Variants in SCN4B observed in about 807,000 individuals in gnomAD.
SCN4B encodes the protein sodium voltage-gated channel beta subunit 4, also known as sodium channel regulatory subunit beta-4.
A neutral mutation model predicts 19.6 loss-of-function variants in SCN4B; 20 were observed. That is an observed-to-expected ratio of 1.02 (90% CI 0.72 to 1.48). The LOEUF is 1.48. Among genes scored for constraint, SCN4B ranks in the 40% most tolerant of loss-of-function variants. SCN4B has a pLI of 0.00. For missense variants in SCN4B, 271 were observed against 287.5 expected, an observed-to-expected ratio of 0.94 and a Z score of 0.42; for synonymous variants, 127 against 122.8, an observed-to-expected ratio of 1.03 and a Z score of -0.22.
chr11:118,147,619 G>A (rs947793969), intron 1 of SCN4B, among the ~76,000 whole-genome samples: 15 of 152,320 alleles, frequency 9.8e-5, no homozygotes, highest in African/African-American at 3.6e-4. Flanking sequence ...ACAGAAGCCA[G>A]ACACAAGATC....
intron 3 of SCN4B, among the ~76,000 whole-genome samples, chr11:118,143,619 G>A (rs1047296569): frequency 3.8e-5 from 3 of 78,338 alleles, no homozygotes; most frequent in South Asian, 5.0e-4. Flanking sequence ...TGAGGAAAAC[G>A]AGGCTTAGAG....
At chr11:118,142,689 A>G (rs531890770) in intron 3 of SCN4B, 17 of 152,212 alleles carry the variant, frequency 1.1e-4, no homozygotes, top group Non-Finnish European at 2.2e-4. Flanking sequence ...GAACAGATGG[A>G]TGAATGAATC....
chr11:118,146,978 G>C (rs1462291350), intron 1 of SCN4B, among the ~76,000 whole-genome samples: 1 of 152,170 alleles, frequency 6.6e-6, no homozygotes, highest in Non-Finnish European at 1.5e-5. Context: ...ATTTGTTCTA[G>C]AGCCATGGTT....
chr11:118,145,419 C>T (rs1329442385), intron 1 of SCN4B, 190 bp from the exon 2 acceptor site: 2 of 1,518,352 alleles, frequency 1.3e-6, no homozygotes, highest in East Asian at 2.5e-5. Context: ...CTCCATTTCT[C>T]CCCTGGAAAG....
At chr11:118,145,922 G>T (rs1286510319) in intron 1 of SCN4B, among the ~76,000 whole-genome samples, 1 of 152,342 alleles carries the variant, frequency 6.6e-6, no homozygotes, top group East Asian at 1.9e-4. Context: ...AGACGGCCTG[G>T]CAGGGGGGAA....
At chr11:118,145,390 T>C (rs1463052183) in intron 1 of SCN4B, 161 bp from the exon 2 acceptor site, 1 of 1,530,254 alleles carries the variant, frequency 6.5e-7, no homozygotes, top group Non-Finnish European at 8.7e-7. Context: ...CAGCACCGCC[T>C]GGGCCACCCT....
Position 118,148,238 on chromosome 11 carries a change from C to A in SCN4B, c.62-3009G>T, listed in dbSNP as rs1948201698. ...CAGAGAGGGTGGGCAAGCCTGGCTT[C>A]TTCAGTGCACAGCCCTCCCAGTCGG... On this transcript the variant is annotated intron_variant, in intron 1 of 4. Coordinates refer to ENST00000324727, the MANE Select transcript of SCN4B (RefSeq NM_174934.4). The surrounding 1 kb of genome is among the most constrained non-coding windows in gnomAD (Gnocchi z 4.0). Among the ~76,000 whole-genome samples, 1 of 152,252 alleles carries A rather than the reference C, an allele frequency of 6.6e-6. No individual in the cohort carries two copies. The highest frequency in any genetic ancestry group is 1.5e-5 in the Non-Finnish European group (1 of 68,050).
chr11:118,137,497 C>T (rs2004235), intron 4 of SCN4B, among the ~76,000 whole-genome samples: 83,052 of 151,564 alleles, frequency 0.55, 22,983 homozygotes, highest in South Asian at 0.68. Context: ...ATGGCAAAAC[C>T]CCATCTCTAC....
chr11:118,145,429 G>A (rs1948159873), intron 1 of SCN4B, 200 bp from the exon 2 acceptor site: 3 of 1,507,676 alleles, frequency 2.0e-6, no homozygotes, highest in South Asian at 1.2e-5. Flanking sequence ...CCCCTGGAAA[G>A]GACTGAATTC....
chr11:118,139,278 C>A (rs1948065147), intron 4 of SCN4B, among the ~76,000 whole-genome samples: 2 of 152,168 alleles, frequency 1.3e-5, no homozygotes, highest in Admixed American at 1.3e-4. Flanking sequence ...GTGCCTCCAT[C>A]TGGAAGAATC....
rs1947973482 is a variant in SCN4B at position 118,134,880 on chromosome 11, C to T, written c.*2147G>A. The T allele has an allele frequency of 2.2e-6, 1 of 453,898 alleles. No homozygotes were observed. Among genetic ancestry groups the T allele is most frequent in the African/African-American group, 2.0e-5 (1 of 49,960 alleles). The allele number at this position is 453,898 out of a possible 1,614,324, so 28.1% of individuals were successfully genotyped here. A position where few individuals can be genotyped will look rare whatever the true frequency, so the allele number is the denominator to read the frequency against. On this transcript the variant is annotated 3_prime_UTR_variant, in exon 5 of 5. Transcript: ENST00000324727. ...GTGAGGTAGGTAAGTATTATTACACCCATTTGGTAGATGGAAAGAGCTGAG... is the reference window on the plus strand; with the variant it reads ...GTGAGGTAGGTAAGTATTATTACACTCATTTGGTAGATGGAAAGAGCTGAG...
intron 1 of SCN4B, among the ~76,000 whole-genome samples, chr11:118,150,572 A>G (rs975358346): frequency 3.3e-5 from 5 of 152,184 alleles, no homozygotes; most frequent in Non-Finnish European, 5.9e-5. Context: ...GACAGAGCCC[A>G]AGAAACTTAG....
chr11:118,145,011 T>C lies in SCN4B; in HGVS notation c.234+46A>G, dbSNP rs575565137. ...GGACCAGAGCGTAGGAGGCGAGGCA[T>C]GGGTGAGGGAGGCTGGGCTGTACTG... On this transcript the variant is annotated intron_variant, in intron 2 of 4. Transcript: ENST00000324727. The C allele has an allele frequency of 4.2e-5, 67 of 1,587,710 alleles. No individual in the cohort carries two copies. The South Asian group carries it at 6.8e-4, about 16-fold the overall frequency.
At position 118,134,314 on chromosome 11, in the gene SCN4B, G is replaced by A; in HGVS notation, c.*2713C>T. On this transcript the variant is annotated 3_prime_UTR_variant, in exon 5 of 5. Coordinates refer to ENST00000324727, the MANE Select transcript of SCN4B (RefSeq NM_174934.4). ...AGCTGCATGTGGCCAGGTCTCTCAA[G>A]ATCGACTTTGTAAGTGGCTCTCTCT... 2.2e-6 allele frequency: 1 copy of A among 454,130 alleles called. No homozygotes were observed. The highest frequency in any genetic ancestry group is 4.4e-6 in the Non-Finnish European group (1 of 226,804). 28.1% of individuals were successfully genotyped at this position (454,130 alleles called of 1,614,324 possible).
rs1415377100 is a variant in SCN4B, at chr11:118,136,587, C to G, written c.*440G>C. On this transcript the variant is annotated 3_prime_UTR_variant, in exon 5 of 5. Coordinates refer to ENST00000324727, the MANE Select transcript of SCN4B (RefSeq NM_174934.4). ...CCAGAGGCCTCCAGCCCACTCCCAC[C>G]TCCAAAGGAAGCCACTTCTTCCTAC... is the stretch of plus-strand genomic sequence containing the variant. 1 of 454,592 alleles carries G rather than the reference C, an allele frequency of 2.2e-6. No individual in the cohort carries two copies. The highest frequency in any genetic ancestry group is 6.9e-5 in the East Asian group (1 of 14,394). 28.2% of individuals were successfully genotyped at this position (454,592 alleles called of 1,614,324 possible).
rs1281083289 is a variant in SCN4B at position 118,143,777 on chromosome 11, GGGT to G, written c.463+53_463+55del. The G allele has an allele frequency of 8.8e-6, 11 of 1,255,054 alleles. No individual in the cohort carries two copies. In the East Asian group the frequency reaches 2.6e-4, roughly 29 times the overall value. 77.7% of individuals were successfully genotyped at this position (1,255,054 alleles called of 1,614,324 possible). A position where few individuals can be genotyped will look rare whatever the true frequency, so the allele number is the denominator to read the frequency against. ...TGCCATTTCACTGTGATGCTGAGTTGGGTGCCTCCCAAGTCCTTCCCACGCCAC... is the reference window on the plus strand; with the variant it reads ...TGCCATTTCACTGTGATGCTGAGTTGGCCTCCCAAGTCCTTCCCACGCCAC... On this transcript the variant is annotated intron_variant, in intron 3 of 4. Transcript: ENST00000324727.
chr11:118,136,179 C>T lies in SCN4B; in HGVS notation c.*848G>A, dbSNP rs552141222. 30 of 452,768 alleles carry T rather than the reference C, an allele frequency of 6.6e-5. No homozygotes were observed. Among genetic ancestry groups the T allele is most frequent in the South Asian group, 4.5e-4 (29 of 64,426 alleles). The allele number at this position is 452,768 out of a possible 1,614,324, so 28.0% of individuals were successfully genotyped here. A position where few individuals can be genotyped will look rare whatever the true frequency, so the allele number is the denominator to read the frequency against. On this transcript the variant is annotated 3_prime_UTR_variant, in exon 5 of 5. Transcript: ENST00000324727. Reference sequence around the variant, plus strand: ...CCAGGGGAGGGGCTGCCAGCATTGGCAGCAATGGGGCGGGCATCCCAGAGG... The same window carrying T: ...CCAGGGGAGGGGCTGCCAGCATTGGTAGCAATGGGGCGGGCATCCCAGAGG...
intron 1 of SCN4B, among the ~76,000 whole-genome samples, chr11:118,152,162 A>G (rs566908182): frequency 6.6e-6 from 1 of 152,048 alleles, no homozygotes; most frequent in Admixed American, 6.5e-5. Context: ...CCCACCCCCA[A>G]CTGGTGCATG....
chr11:118,145,511 C>T (rs1176470887), intron 1 of SCN4B: 1 of 1,326,020 alleles, frequency 7.5e-7, no homozygotes, highest in Admixed American at 2.5e-5. Context: ...GAAACAAAGG[C>T]CTGGCCACTG....
Sources: allele counts gnomAD v4.1 joint callset (sites outside exome capture counted in the v4.1 genomes callset), GRCh38; gene constraint gnomAD v4.1.1; non-coding constraint Gnocchi (gnomAD v3.1); transcripts MANE v1.5; gene names NCBI Gene and HGNC (gene_info 2026-07-23, HGNC 2026-07-21).